The following DMD variants were observed in gnomAD, a reference collection of about 807,000 sequenced individuals.
DMD encodes the protein dystrophin, also known as mutant dystrophin.
A neutral mutation model predicts 330.1 loss-of-function variants in DMD; 63 were observed. That is an observed-to-expected ratio of 0.19 (90% CI 0.16 to 0.24). The LOEUF (loss-of-function observed/expected upper bound fraction) is 0.24. Ranked by LOEUF, DMD falls within the 10% of genes least tolerant of loss-of-function variation. The pLI is 1.00. For missense variants in DMD, 3,344 were observed against 2,684.1 expected, an observed-to-expected ratio of 1.25 and a Z score of -5.43; for synonymous variants, 1,223 against 959.8, an observed-to-expected ratio of 1.27 and a Z score of -5.07.
At chrX:32,230,764 C>A (rs753486326) in intron 43 of DMD, among the ~76,000 whole-genome samples, 1 of 111,238 alleles carries the variant, frequency 9.0e-6, no homozygotes, top group African/African-American at 3.3e-5. Context: ...GTGAAATAGG[C>A]ATAATATATA....
intron 44 of DMD, among the ~76,000 whole-genome samples, chrX:31,972,584 G>A (rs1422528250): frequency 9.0e-6 from 1 of 110,578 alleles, no homozygotes; most frequent in Non-Finnish European, 1.9e-5. Flanking sequence ...AAACTAGGGA[G>A]CAAGATAAAA....
intron 17 of DMD, among the ~76,000 whole-genome samples, chrX:32,529,062 C>T (rs1257262601): frequency 9.4e-6 from 1 of 106,863 alleles, no homozygotes; most frequent in Non-Finnish European, 1.9e-5. Flanking sequence ...GCTGGGACTA[C>T]AGGCGCCTGC....
chrX:31,884,173 T>G (rs1029471704), intron 47 of DMD, among the ~76,000 whole-genome samples: 4 of 111,886 alleles, frequency 3.6e-5, no homozygotes, highest in Non-Finnish European at 7.5e-5. Flanking sequence ...GAAATCAGTA[T>G]TTTGAAGAGA....
intron 44 of DMD, among the ~76,000 whole-genome samples, chrX:32,112,077 G>A (rs935236399): frequency 4.5e-5 from 5 of 111,010 alleles, no homozygotes. Flanking sequence ...TTTAATTATG[G>A]GCCAAAAAGT....
intron 1 of DMD, among the ~76,000 whole-genome samples, chrX:33,217,763 T>C (rs189018000): frequency 2.7e-5 from 3 of 111,826 alleles, no homozygotes; most frequent in Admixed American, 1.9e-4. Context: ...ATTCATTGAT[T>C]AGCAATTGAC....
At chrX:31,185,296 C>A (rs1365688876) in intron 67 of DMD, among the ~76,000 whole-genome samples, 2 of 110,802 alleles carry the variant, frequency 1.8e-5, no homozygotes, top group African/African-American at 6.6e-5. Context: ...TCCATTCCCT[C>A]TCCATTCTAC....
At chrX:31,707,915 G>A (rs1319506679) in intron 52 of DMD, among the ~76,000 whole-genome samples, 1 of 111,416 alleles carries the variant, frequency 9.0e-6, no homozygotes, top group Non-Finnish European at 1.9e-5. Context: ...TTACATAAAA[G>A]TAGATGGTAA....
intron 7 of DMD, among the ~76,000 whole-genome samples, chrX:32,779,283 G>A (rs1278183367): frequency 9.2e-6 from 1 of 108,503 alleles, no homozygotes; most frequent in East Asian, 2.9e-4. Context: ...TTACTAGATG[G>A]GAACTGATAA....
At chrX:32,842,976 T>G (rs1184811722) in intron 4 of DMD, among the ~76,000 whole-genome samples, 1 of 110,784 alleles carries the variant, frequency 9.0e-6, no homozygotes, top group Non-Finnish European at 1.9e-5. Context: ...TCAGCTAATT[T>G]TTGTATTTTT....
intron 7 of DMD, among the ~76,000 whole-genome samples, chrX:32,779,856 G>T (rs1313271018): frequency 9.1e-6 from 1 of 110,083 alleles, no homozygotes; most frequent in Non-Finnish European, 1.9e-5. Flanking sequence ...TACCCTAAAA[G>T]TATAATAAAA....
At chrX:32,578,248 G>A (rs1451062879) in intron 13 of DMD, among the ~76,000 whole-genome samples, 9 of 111,927 alleles carry the variant, frequency 8.0e-5, no homozygotes, top group East Asian at 2.8e-4. Flanking sequence ...TTCTATTTAC[G>A]TATAGGAATC....
chrX:32,634,125 C>T (rs1300020530), intron 11 of DMD, among the ~76,000 whole-genome samples: 2 of 111,892 alleles, frequency 1.8e-5, no homozygotes, highest in Non-Finnish European at 3.8e-5. Flanking sequence ...AGAGATGTCT[C>T]TCCTCATGGC....
At chrX:31,304,605 A>T (rs1402552714) in intron 62 of DMD, among the ~76,000 whole-genome samples, 1 of 85,511 alleles carries the variant, frequency 1.2e-5, no homozygotes, top group Non-Finnish European at 2.1e-5. Context: ...TGAGCATTTT[A>T]TATATATATA....
intron 9 of DMD, among the ~76,000 whole-genome samples, chrX:32,672,293 A>G (rs919104952): frequency 9.0e-6 from 1 of 111,315 alleles, no homozygotes; most frequent in Non-Finnish European, 1.9e-5. Context: ...AAAAAAATGC[A>G]GTGGATATAA....
chrX:32,926,853 AAAC>A (rs1367926262), intron 2 of DMD, among the ~76,000 whole-genome samples: 1 of 110,906 alleles, frequency 9.0e-6, no homozygotes, highest in East Asian at 2.8e-4. Context: ...TATATATTCA[AAAC>A]AACATGTTGA....
chrX:32,170,867 C>T (rs112141433), intron 44 of DMD, among the ~76,000 whole-genome samples: 11,580 of 110,864 alleles, frequency 0.1, 765 homozygotes, highest in African/African-American at 0.24. Context: ...TCACCCCTGG[C>T]TGAGAACCAC....
At chrX:32,067,003 T>C (rs968918048) in intron 44 of DMD, among the ~76,000 whole-genome samples, 1 of 111,370 alleles carries the variant, frequency 9.0e-6, no homozygotes, top group Non-Finnish European at 1.9e-5. Flanking sequence ...TAAAAGCAAT[T>C]CAATATATAA....
intron 28 of DMD, among the ~76,000 whole-genome samples, chrX:32,439,808 A>G (rs1427898307): frequency 9.0e-6 from 1 of 111,277 alleles, no homozygotes; most frequent in African/African-American, 3.3e-5. Context: ...TATCTGAATT[A>G]GGAACAATTT....
At chrX:31,161,203 T>G (rs1022874608) in intron 74 of DMD, among the ~76,000 whole-genome samples, 8 of 111,821 alleles carry the variant, frequency 7.2e-5, no homozygotes, top group African/African-American at 2.6e-4. Flanking sequence ...GCTGCGTGCT[T>G]CTTTAATTCA....
Sources: gnomAD v4.1 joint callset for allele counts (sites outside exome capture counted in the v4.1 genomes callset) on GRCh38, gnomAD v4.1.1 for gene constraint, MANE v1.5 for transcripts, NCBI Gene and HGNC (gene_info 2026-07-23, HGNC 2026-07-21) for gene names.